Variants in LRP1B observed in about 807,000 individuals in gnomAD.
LRP1B encodes the protein low-density lipoprotein receptor-related protein 1B.
LRP1B carries 217 observed loss-of-function variants against 556.6 expected under a neutral mutation model. The ratio of observed to expected loss-of-function variants is 0.39; its 90% CI spans 0.35 to 0.44. The LOEUF (loss-of-function observed/expected upper bound fraction) is 0.44, where lower values mean the gene tolerates loss of function less well. LRP1B is among the 20% of genes least tolerant of loss of function. The probability of loss-of-function intolerance (pLI) is 1.00; values close to 1 mark genes in which losing one functional copy is unlikely to be tolerated. For synonymous variants in LRP1B, 2,047 were observed against 1,865.8 expected (o/e 1.10, Z -2.50); for missense variants, 5,053 against 5,620.8 (o/e 0.90, Z 3.23).
intron 1 of LRP1B, among the ~76,000 whole-genome samples, chr2:141,938,592 G>A (rs1264454506): frequency 6.6e-6 from 1 of 152,056 alleles, no homozygotes; most frequent in African/African-American, 2.4e-5. Context: ...TTCTGGGTAT[G>A]TATGCAAAGG....
At chr2:140,475,965 T>C (rs1338269680) in intron 59 of LRP1B, among the ~76,000 whole-genome samples, 1 of 151,998 alleles carries the variant, frequency 6.6e-6, no homozygotes, top group Non-Finnish European at 1.5e-5. Flanking sequence ...CACAGAAAGT[T>C]CTACTGGACA....
intron 7 of LRP1B, among the ~76,000 whole-genome samples, chr2:141,068,280 C>G (rs1413941021): frequency 2.0e-5 from 3 of 151,848 alleles, no homozygotes; most frequent in African/African-American, 7.3e-5. Context: ...TGGAGGTTTA[C>G]TAGGCAAAGA....
intron 6 of LRP1B, among the ~76,000 whole-genome samples, chr2:141,228,574 T>A (rs1375410178): frequency 9.8e-6 from 1 of 101,694 alleles, no homozygotes; most frequent in Non-Finnish European, 2.0e-5. Context: ...TGGGTGTCTG[T>A]GTGTATGAGT....
chr2:141,493,686 T>G (rs1165025537), intron 2 of LRP1B, among the ~76,000 whole-genome samples: 1 of 152,126 alleles, frequency 6.6e-6, no homozygotes, highest in Non-Finnish European at 1.5e-5. Flanking sequence ...CAGGAGATTA[T>G]TTGAGGGGTC....
chr2:141,731,271 C>T (rs1200133842), intron 2 of LRP1B, among the ~76,000 whole-genome samples: 3 of 152,030 alleles, frequency 2.0e-5, no homozygotes, highest in Non-Finnish European at 4.4e-5. Flanking sequence ...TTTCCAGGCA[C>T]AGTGTCTGGG....
At chr2:140,881,316 C>T (rs1037983319) in intron 25 of LRP1B, among the ~76,000 whole-genome samples, 3 of 151,312 alleles carry the variant, frequency 2.0e-5, no homozygotes, top group African/African-American at 7.3e-5. Context: ...TTAAGCCTAC[C>T]TTGTGAAAGG....
At chr2:140,993,169 C>A (rs1164533105) in intron 16 of LRP1B, among the ~76,000 whole-genome samples, 1 of 151,094 alleles carries the variant, frequency 6.6e-6, no homozygotes, top group East Asian at 1.9e-4. Flanking sequence ...TAGTTCAGAC[C>A]TAAAAAAGGA....
At chr2:141,836,371 A>C (rs758262004) in intron 1 of LRP1B, among the ~76,000 whole-genome samples, 6 of 152,044 alleles carry the variant, frequency 3.9e-5, no homozygotes, top group Non-Finnish European at 5.9e-5. Flanking sequence ...CTTTTCCACC[A>C]TATAAAAATA....
At chr2:141,554,227 A>G (rs917782891) in intron 2 of LRP1B, among the ~76,000 whole-genome samples, 30 of 137,860 alleles carry the variant, frequency 2.2e-4, no homozygotes, top group Admixed American at 1.8e-3. Flanking sequence ...CTAGATATAG[A>G]TTATATATAT....
At chr2:140,822,152 G>A (rs1553539563) in intron 31 of LRP1B, among the ~76,000 whole-genome samples, 1 of 152,158 alleles carries the variant, frequency 6.6e-6, no homozygotes, top group Non-Finnish European at 1.5e-5. Flanking sequence ...CATAATATAA[G>A]GGCATTTTAA....
At chr2:141,421,372 C>T (rs1559061425) in intron 3 of LRP1B, among the ~76,000 whole-genome samples, 2 of 151,354 alleles carry the variant, frequency 1.3e-5, no homozygotes, top group African/African-American at 2.4e-5. Flanking sequence ...ACTAAAAATA[C>T]AAAAAAATTA....
At chr2:140,677,005 A>G (rs938199857) in intron 41 of LRP1B, among the ~76,000 whole-genome samples, 1 of 152,240 alleles carries the variant, frequency 6.6e-6, no homozygotes, top group African/African-American at 2.4e-5. Context: ...TATTTTTGAT[A>G]AATAGAAAAC....
rs2104952668 is a variant in LRP1B at position 140,274,578 on chromosome 2, C to A, written c.12988G>T (p.Val4330Leu). ...CCAATGGTACATGATTCAGAATTCA[C>A]ACAATAGTGGTGGCACACGTCTAGG... ...CQYYVCHHYC[V>L]NSESCTIGDD... Residue 4330 changes from valine to leucine, a missense_variant, in exon 85 of 91, where the codon GTG (valine) becomes TTG (leucine). Physicochemically the swap from Val to Leu is conservative, Grantham distance 32 (BLOSUM62 1). Around this residue, in one of 5 missense-constraint regions of LRP1B, gnomAD observed 551 missense variants for 592.0 expected, o/e 0.93. Transcript: ENST00000389484. 6.2e-7 allele frequency: 1 copy of A among 1,612,134 alleles called. No individual in the cohort carries two copies. The highest frequency in any genetic ancestry group is 8.5e-7 in the Non-Finnish European group (1 of 1,178,876).
chr2:140,315,370 A>G (rs1573776907), intron 82 of LRP1B, among the ~76,000 whole-genome samples: 1 of 152,160 alleles, frequency 6.6e-6, no homozygotes, highest in African/African-American at 2.4e-5. Context: ...ACTGAATAGT[A>G]AAACTAACTG....
At chr2:141,682,304 A>G (rs1443351386) in intron 2 of LRP1B, among the ~76,000 whole-genome samples, 1 of 152,044 alleles carries the variant, frequency 6.6e-6, no homozygotes, top group Admixed American at 6.6e-5. Context: ...ACAATTTAAA[A>G]AATCAGAGGA....
rs111897182 is a variant in LRP1B, at chr2:141,490,545, A to G, written c.206-10012T>C. Among the ~76,000 whole-genome samples the G allele has an allele frequency of 6.8e-4, 103 of 152,256 alleles. No individual in the cohort carries two copies. The East Asian group carries it at 9.5e-3, about 14-fold the overall frequency. Reference sequence around the variant, plus strand: ...TAGAATATAGACAAAGTTGGCAAATAAAAAATATTGTGTGGACATAGCCAA... The same window carrying G: ...TAGAATATAGACAAAGTTGGCAAATGAAAAATATTGTGTGGACATAGCCAA... On this transcript the variant is annotated intron_variant, in intron 2 of 90. Transcript: ENST00000389484.
intron 1 of LRP1B, among the ~76,000 whole-genome samples, chr2:141,847,429 A>G (rs76071016): frequency 0.097 from 14,740 of 151,536 alleles, 756 homozygotes; most frequent in South Asian, 0.18. Context: ...AGTTTTTTGT[A>G]TCTAGACAAC....
intron 41 of LRP1B, among the ~76,000 whole-genome samples, chr2:140,673,748 G>T (rs1316285678): frequency 1.3e-5 from 2 of 151,976 alleles, no homozygotes; most frequent in African/African-American, 4.8e-5. Flanking sequence ...TGAAAAACTA[G>T]TTCGGGCCGT....
chr2:140,334,207 G>A (rs1165902732), intron 79 of LRP1B, among the ~76,000 whole-genome samples: 2 of 151,846 alleles, frequency 1.3e-5, no homozygotes, highest in Non-Finnish European at 2.9e-5. Context: ...TGTGAAATCC[G>A]ACTAATAGCC....
Sources: allele counts gnomAD v4.1 joint callset (sites outside exome capture counted in the v4.1 genomes callset), GRCh38; gene constraint gnomAD v4.1.1; regional missense constraint gnomAD v4.1.1; transcripts MANE v1.5; gene names NCBI Gene and HGNC (gene_info 2026-07-23, HGNC 2026-07-21).